Variants in NAALADL2 observed in about 807,000 individuals in gnomAD.
NAALADL2 encodes inactive N-acetylated-alpha-linked acidic dipeptidase-like protein 2.
Under a neutral mutation model 87.2 loss-of-function variants are expected in NAALADL2, and 76 were observed. The observed-to-expected ratio is 0.87, with a 90% CI of 0.72 to 1.05. NAALADL2 has a LOEUF of 1.05. Among genes scored for constraint, NAALADL2 ranks in the 50% least tolerant of loss-of-function variants. NAALADL2 has a pLI of 0.00. For synonymous variants in NAALADL2, 354 were observed against 331.0 expected, an observed-to-expected ratio of 1.07 and a Z score of -0.75; for missense variants, 1,089 against 945.8, an observed-to-expected ratio of 1.15 and a Z score of -1.99.
At chr3:175,776,128 CATT>C (rs1031918510) in intron 13 of NAALADL2, 1 of 152,174 alleles carries the variant, frequency 6.6e-6, no homozygotes, top group African/African-American at 2.4e-5. Context: ...CATTTCTACA[CATT>C]ATCAATCGTT....
At chr3:175,417,095 CA>C (rs1046053407) in intron 5 of NAALADL2, among the ~76,000 whole-genome samples, 1 of 108,548 alleles carries the variant, frequency 9.2e-6, no homozygotes, top group African/African-American at 3.3e-5. Flanking sequence ...AACAAGCAGC[CA>C]AAATACAGAG....
intron 5 of NAALADL2, among the ~76,000 whole-genome samples, chr3:175,399,765 T>C (rs1419808666): frequency 6.6e-6 from 1 of 152,122 alleles, no homozygotes; most frequent in Admixed American, 6.5e-5. Flanking sequence ...GAATTCTAAG[T>C]CTGGGAATGC....
chr3:175,422,581 G>GA (rs556466834), intron 5 of NAALADL2, among the ~76,000 whole-genome samples: 28 of 148,880 alleles, frequency 1.9e-4, no homozygotes, highest in East Asian at 1.6e-3. Flanking sequence ...AGGTAGAAGA[G>GA]AAAAAAAAAA....
chr3:175,373,845 C>T (rs886915177), intron 5 of NAALADL2, among the ~76,000 whole-genome samples: 3 of 152,130 alleles, frequency 2.0e-5, no homozygotes, highest in Non-Finnish European at 2.9e-5. Flanking sequence ...TTTATTTTAA[C>T]AATCTAATAT....
chr3:175,470,049 G>A (rs1299392680), intron 8 of NAALADL2, among the ~76,000 whole-genome samples: 2 of 152,100 alleles, frequency 1.3e-5, no homozygotes, highest in Non-Finnish European at 2.9e-5. Flanking sequence ...AACAGTGAAA[G>A]CATGCAGTAT....
At chr3:175,450,516 C>A (rs1581939234) in intron 6 of NAALADL2, among the ~76,000 whole-genome samples, 1 of 151,954 alleles carries the variant, frequency 6.6e-6, no homozygotes, top group African/African-American at 2.4e-5. Flanking sequence ...AAAATCCAGG[C>A]AAAAATGTAA....
At chr3:175,292,286 T>A (rs79648494) in intron 4 of NAALADL2, among the ~76,000 whole-genome samples, 1,554 of 152,294 alleles carry the variant, frequency 0.01, 29 homozygotes, top group African/African-American at 0.035. Flanking sequence ...TGAGGAAGGA[T>A]TCTGCCCACT....
intron 9 of NAALADL2, among the ~76,000 whole-genome samples, chr3:175,565,817 A>G (rs1299556372): frequency 2.2e-4 from 32 of 145,518 alleles, no homozygotes; most frequent in African/African-American, 8.1e-4. Flanking sequence ...ACAAAAAACA[A>G]AAGCCCCCCC....
intron 3 of NAALADL2, among the ~76,000 whole-genome samples, chr3:174,759,150 G>T (rs1279556691): frequency 6.6e-6 from 1 of 152,086 alleles, no homozygotes; most frequent in African/African-American, 2.4e-5. Flanking sequence ...AAAATTATTT[G>T]TGTATTTTGG....
intron 1 of NAALADL2, among the ~76,000 whole-genome samples, chr3:174,988,142 A>G (rs1283662484): frequency 6.6e-6 from 1 of 152,160 alleles, no homozygotes; most frequent in African/African-American, 2.4e-5. Context: ...AGATCAAGGA[A>G]TTGAGTTCTG....
chr3:175,633,250 C>T (rs551057329), intron 11 of NAALADL2, among the ~76,000 whole-genome samples: 46 of 152,040 alleles, frequency 3.0e-4, no homozygotes, highest in Non-Finnish European at 4.9e-4. Context: ...CTTTGCTATT[C>T]TCAGTAAAAA....
intron 1 of NAALADL2, among the ~76,000 whole-genome samples, chr3:174,910,160 A>G (rs1203562922): frequency 6.6e-6 from 1 of 151,190 alleles, no homozygotes; most frequent in Non-Finnish European, 1.5e-5. Context: ...TTAATAGTTT[A>G]TATACATATA....
intron 2 of NAALADL2, among the ~76,000 whole-genome samples, chr3:175,193,272 G>T (rs1738476417): frequency 6.6e-6 from 1 of 151,408 alleles, no homozygotes; most frequent in Admixed American, 6.6e-5. Flanking sequence ...ATTGTAAAAT[G>T]GGGACCCATG....
intron 2 of NAALADL2, among the ~76,000 whole-genome samples, chr3:174,551,589 G>C (rs1190008946): frequency 6.6e-6 from 1 of 152,168 alleles, no homozygotes; most frequent in Non-Finnish European, 1.5e-5. Flanking sequence ...GAGGCTAAGA[G>C]AGCACATGCT....
At chr3:174,980,240 A>G (rs902493332) in intron 1 of NAALADL2, among the ~76,000 whole-genome samples, 1 of 152,222 alleles carries the variant, frequency 6.6e-6, no homozygotes, top group African/African-American at 2.4e-5. Flanking sequence ...GGCAGAGACT[A>G]TTTTATTCAT....
intron 3 of NAALADL2, among the ~76,000 whole-genome samples, chr3:174,835,269 G>T (rs999007128): frequency 6.6e-6 from 1 of 151,968 alleles, no homozygotes; most frequent in African/African-American, 2.4e-5. Context: ...AAAGACAGCC[G>T]TTTCAACAAT....
chr3:175,392,166 A>C (rs2149024913), intron 5 of NAALADL2, among the ~76,000 whole-genome samples: 1 of 152,330 alleles, frequency 6.6e-6, no homozygotes, highest in East Asian at 1.9e-4. Context: ...GAATTGATGA[A>C]TACTTGCTCA....
intron 2 of NAALADL2, among the ~76,000 whole-genome samples, chr3:175,131,498 T>A (rs1385701387): frequency 6.6e-6 from 1 of 152,102 alleles, no homozygotes; most frequent in African/African-American, 2.4e-5. Context: ...GGATAATAAT[T>A]TTTCTTAGTA....
intron 2 of NAALADL2, among the ~76,000 whole-genome samples, chr3:174,599,142 C>T (rs1718204596): frequency 6.6e-6 from 1 of 152,128 alleles, no homozygotes; most frequent in African/African-American, 2.4e-5. Context: ...GAACTGCCTG[C>T]TTCTTGCTGT....
Sources: allele counts gnomAD v4.1 joint callset (sites outside exome capture counted in the v4.1 genomes callset), GRCh38; gene constraint gnomAD v4.1.1; transcripts MANE v1.5; gene names NCBI Gene and HGNC (gene_info 2026-07-23, HGNC 2026-07-21).